The following DOP1A variants were observed in gnomAD, a reference collection of about 807,000 sequenced individuals.
DOP1A encodes the protein protein DOP1A.
DOP1A carries 90 observed loss-of-function variants against 267.6 expected under a neutral mutation model. The ratio of observed to expected loss-of-function variants is 0.34; its 90% CI spans 0.28 to 0.40. The LOEUF (loss-of-function observed/expected upper bound fraction) is 0.40, where lower values mean the gene tolerates loss of function less well. Among genes scored for constraint, DOP1A ranks in the 10% least tolerant of loss-of-function variants. The pLI is 1.00. For missense variants in DOP1A, 2,437 were observed against 2,900.4 expected, an observed-to-expected ratio of 0.84 and a Z score of 3.67; for synonymous variants, 932 against 999.1, an observed-to-expected ratio of 0.93 and a Z score of 1.27.
chr6:83,127,759 G>C (rs1777425163), intron 15 of DOP1A, among the ~76,000 whole-genome samples: 1 of 152,156 alleles, frequency 6.6e-6, no homozygotes, highest in Admixed American at 6.6e-5. Context: ...GTAATAGATT[G>C]ATAAGGGTAA....
chr6:83,073,925 A>G (rs1786034872), intron 1 of DOP1A, among the ~76,000 whole-genome samples: 1 of 152,178 alleles, frequency 6.6e-6, no homozygotes, highest in South Asian at 2.1e-4. Flanking sequence ...TGGGAGCTAC[A>G]GTGTCTGTTA....
chr6:83,155,461 C>A (rs1449600093), intron 33 of DOP1A, among the ~76,000 whole-genome samples: 1 of 151,964 alleles, frequency 6.6e-6, no homozygotes, highest in Non-Finnish European at 1.5e-5. Context: ...GATACCATCT[C>A]AAAGAAAAAT....
At chr6:83,160,039 A>C in intron 37 of DOP1A, 79 bp downstream of exon 37, 7 of 1,418,960 alleles carry the variant, frequency 4.9e-6, no homozygotes, top group Non-Finnish European at 5.8e-6. Flanking sequence ...GACTAATTAA[A>C]AAGTTTTTTG....
intron 37 of DOP1A, 25 bp downstream of exon 37, chr6:83,159,985 T>A: frequency 6.2e-7 from 1 of 1,609,802 alleles, no homozygotes; most frequent in Non-Finnish European, 8.5e-7. Flanking sequence ...GGATATTAAA[T>A]GGTTATTTTT....
Position 83,137,969 on chromosome 6 carries a change from C to T in DOP1A, c.3927C>T (p.Asp1309=). 1 of 1,604,496 alleles carries T rather than the reference C, an allele frequency of 6.2e-7. No homozygotes were observed. The highest frequency in any genetic ancestry group is 8.5e-7 in the Non-Finnish European group (1 of 1,177,270). The stretch of plus-strand genomic sequence containing the variant: ...AACTTGCCAGAAAAAAGGATGATGA[C>T]AAGAAAAAATCTTCAAATGAAAAAC... ...KVKLARKKDD[D]KKKSSNEKLK... The change falls in exon 21 of 39, where the codon GAC becomes GAT. Residue 1309 remains aspartate (D), a synonymous_variant. Coordinates refer to ENST00000349129, the MANE Select transcript of DOP1A (RefSeq NM_015018.4).
chr6:83,125,402 A>G, intron 14 of DOP1A, 98 bp from the exon 15 acceptor site: 1 of 1,159,674 alleles, frequency 8.6e-7, no homozygotes, highest in Non-Finnish European at 1.2e-6. Flanking sequence ...ATAAAACATT[A>G]TGGATGAGTA....
rs1198235385 is a variant in DOP1A, at chr6:83,141,744, T to G, written c.5416-177T>G. Among the ~76,000 whole-genome samples, 3 of 152,206 alleles carry G rather than the reference T, an allele frequency of 2.0e-5. No homozygotes were observed. The East Asian group carries it at 5.8e-4, about 29-fold the overall frequency. Reference sequence around the variant, plus strand: ...CGTCATTTTATAGGATTTGTTTTTCTTTTAGAATTATAGTCATATTGTAGC... The same window carrying G: ...CGTCATTTTATAGGATTTGTTTTTCGTTTAGAATTATAGTCATATTGTAGC... On this transcript the variant is annotated intron_variant, in intron 23 of 38. Coordinates refer to ENST00000349129, the MANE Select transcript of DOP1A (RefSeq NM_015018.4).
chr6:83,151,347 T>G (rs976996333), intron 27 of DOP1A, among the ~76,000 whole-genome samples: 1 of 152,182 alleles, frequency 6.6e-6, no homozygotes, highest in African/African-American at 2.4e-5. Context: ...TTTTCTGCTC[T>G]TGCTGGACAT....
rs778896941 is a variant in DOP1A, at chr6:83,110,236, G to A, written c.603G>A (p.Thr201=). 18 of 1,613,874 alleles carry A rather than the reference G, an allele frequency of 1.1e-5. No homozygotes were observed. Among genetic ancestry groups the A allele is most frequent in the East Asian group, 2.2e-5 (1 of 44,886 alleles). The change falls in exon 6 of 39, where the codon ACG becomes ACA. Residue 201 remains threonine, a synonymous_variant. Transcript: ENST00000349129. ...TSPAVRLPGI[T]YVLAHLNRKL... is the part of the protein sequence containing the mutation. Reference sequence around the variant, plus strand: ...CTGCTGTGCGTTTACCTGGAATCACGTATGTTCTTGCCCATTTAAACAGGA... The same window carrying A: ...CTGCTGTGCGTTTACCTGGAATCACATATGTTCTTGCCCATTTAAACAGGA...
downstream of DOP1A, chr6:83,169,174 A>T: frequency 6.2e-7 from 1 of 1,600,458 alleles, no homozygotes; most frequent in Non-Finnish European, 8.5e-7. Context: ...TGCCATTATT[A>T]TTGACAGTTT....
chr6:83,124,266 A>C (rs183354711), intron 12 of DOP1A, among the ~76,000 whole-genome samples: 6 of 152,198 alleles, frequency 3.9e-5, no homozygotes. Flanking sequence ...GGAGGAGGTA[A>C]CATTTGATCT....
intron 1 of DOP1A, among the ~76,000 whole-genome samples, chr6:83,079,221 G>C (rs1767658743): frequency 6.6e-6 from 1 of 152,186 alleles, no homozygotes; most frequent in Non-Finnish European, 1.5e-5. Flanking sequence ...CTCAGCTAAA[G>C]TGTTGGTGAC....
Position 83,168,327 on chromosome 6 carries a change from T to G in DOP1A, c.*160T>G. On this transcript the variant is annotated 3_prime_UTR_variant, in exon 39 of 39. Transcript: ENST00000349129. ...GTATATAAGAGCAAATGTCTGAATG[T>G]GGCCTGAATCAAGTTTAAATATTGT... 10 of 1,419,650 alleles carry G rather than the reference T, an allele frequency of 7.0e-6. No homozygotes were observed. The highest frequency in any genetic ancestry group is 2.6e-4 in the Middle Eastern group (1 of 3,840). 87.9% of individuals were successfully genotyped at this position (1,419,650 alleles called of 1,614,324 possible).
chr6:83,143,786 A>G (rs1260443387), intron 24 of DOP1A, among the ~76,000 whole-genome samples: 2 of 151,910 alleles, frequency 1.3e-5, no homozygotes, highest in African/African-American at 4.9e-5. Flanking sequence ...CTTTCTGCAG[A>G]ATTTAAAAAC....
intron 26 of DOP1A, 47 bp from the exon 27 acceptor site, chr6:83,148,712 A>C: frequency 7.8e-7 from 1 of 1,286,344 alleles, no homozygotes. Flanking sequence ...AACTAGTAGA[A>C]AACCATAGTT....
At position 83,137,595 on chromosome 6, in the gene DOP1A, A is replaced by G. The variant is rs1261880474; in HGVS notation, c.3553A>G (p.Ser1185Gly). Residue 1185 changes from serine to glycine, a missense_variant, in exon 21 of 39, where the codon AGT becomes GGT. Physicochemically the swap from Ser to Gly is moderately conservative, Grantham distance 56. This residue lies in a region of DOP1A where 878 missense variants were observed against 992.9 expected (regional missense o/e 0.88). Coordinates refer to ENST00000349129, the MANE Select transcript of DOP1A (RefSeq NM_015018.4). ...AATTGAAGCTATGCCCCCAAAGTGC[A>G]GTGATATAGATCCAGATGAAGAGAC... ...LEIEAMPPKC[S>G]DIDPDEETIK... The G allele has an allele frequency of 1.7e-5, 27 of 1,613,878 alleles. No homozygotes were observed. Among genetic ancestry groups the G allele is most frequent in the Non-Finnish European group, 2.1e-5 (25 of 1,179,854 alleles).
chr6:83,107,358 A>G (rs920609111), intron 4 of DOP1A, among the ~76,000 whole-genome samples: 19 of 152,184 alleles, frequency 1.2e-4, no homozygotes, highest in African/African-American at 4.3e-4. Flanking sequence ...CTGTGACTGT[A>G]TCTTTAGATC....
At chr6:83,087,491 A>G (rs1287536410) in intron 1 of DOP1A, among the ~76,000 whole-genome samples, 1 of 152,188 alleles carries the variant, frequency 6.6e-6, no homozygotes, top group Admixed American at 6.5e-5. Context: ...GGAAGATTCC[A>G]CACTCTTTAC....
In DOP1A at chr6:83,147,218, G is replaced by A; in HGVS notation, c.5677-18G>A. On this transcript the variant is annotated intron_variant, in intron 25 of 38. Transcript: ENST00000349129. ...CAGTATTCTTCTTCACTACAAAATT[G>A]ATTTCTTTTATTTATAGAAACATCT... 7.3e-7 allele frequency: 1 copy of A among 1,373,178 alleles called. No homozygotes were observed. 85.1% of individuals were successfully genotyped at this position (1,373,178 alleles called of 1,614,324 possible). A position where few individuals can be genotyped will look rare whatever the true frequency, so the allele number is the denominator to read the frequency against.
Sources: allele counts gnomAD v4.1 joint callset (sites outside exome capture counted in the v4.1 genomes callset), GRCh38; gene constraint gnomAD v4.1.1; regional missense constraint gnomAD v4.1.1; transcripts MANE v1.5; gene names NCBI Gene and HGNC (gene_info 2026-07-23, HGNC 2026-07-21).